MDGA2: variants seen among roughly 807,000 people sequenced by gnomAD.
MDGA2 encodes the protein MAM domain-containing glycosylphosphatidylinositol anchor protein 2.
In MDGA2, 40 loss-of-function variants were observed where a neutral mutation model predicts 117.8. That is an observed-to-expected ratio of 0.34 (90% confidence interval 0.26 to 0.44). MDGA2 has a LOEUF of 0.44. Among genes scored for constraint, MDGA2 ranks in the 20% least tolerant of loss-of-function variants. The probability of loss-of-function intolerance (pLI) is 1.00; values close to 1 mark genes in which losing one functional copy is unlikely to be tolerated. For missense variants in MDGA2, 1,123 were observed against 1,250.6 expected (o/e 0.90, Z 1.54); for synonymous variants, 452 against 439.0 (o/e 1.03, Z -0.37).
At chr14:47,467,127 T>G (rs1893620676) in intron 1 of MDGA2, among the ~76,000 whole-genome samples, 2 of 151,864 alleles carry the variant, frequency 1.3e-5, no homozygotes, top group Admixed American at 1.3e-4. Flanking sequence ...TCAACAAAAG[T>G]CACAAAGATT....
At chr14:47,199,594 T>G (rs893818959) in intron 3 of MDGA2, among the ~76,000 whole-genome samples, 2 of 152,066 alleles carry the variant, frequency 1.3e-5, no homozygotes, top group African/African-American at 4.8e-5. Flanking sequence ...ACAAATAACA[T>G]AACAGGATGA....
At chr14:46,918,950 G>A (rs774290825) in intron 10 of MDGA2, among the ~76,000 whole-genome samples, 5 of 151,888 alleles carry the variant, frequency 3.3e-5, no homozygotes, top group Non-Finnish European at 7.4e-5. Context: ...TTTTAGTAGA[G>A]ACGGGGTTTC....
At position 47,365,687 on chromosome 14, in the gene MDGA2, G is replaced by C. The variant is rs542001972; in HGVS notation, c.281-64137C>G. On this transcript the variant is annotated intron_variant, in intron 1 of 16. Coordinates refer to ENST00000399232, the MANE Select transcript of MDGA2 (RefSeq NM_001113498.3). ...GTAACTAATTCTGTTTCCAAGTAAA[G>C]GTGTGGCCAACATATTTAGAGAGGA... 5.3e-5 allele frequency among the ~76,000 whole-genome samples: 8 copies of C among 152,304 alleles called. No individual in the cohort carries two copies. In the East Asian group the frequency reaches 5.8e-4, roughly 11 times the overall value.
chr14:47,306,523 T>C (rs2139827231), intron 1 of MDGA2, among the ~76,000 whole-genome samples: 1 of 152,162 alleles, frequency 6.6e-6, no homozygotes, highest in South Asian at 2.1e-4. Context: ...TACAAGGAGC[T>C]TCCTCTCTGC....
intron 1 of MDGA2, among the ~76,000 whole-genome samples, chr14:47,490,085 G>A (rs1434832064): frequency 6.6e-6 from 1 of 152,070 alleles, no homozygotes; most frequent in African/African-American, 2.4e-5. Flanking sequence ...GATATAGTGT[G>A]TCAGCAGTAG....
At chr14:47,267,380 G>T (rs968914884) in intron 2 of MDGA2, among the ~76,000 whole-genome samples, 1 of 152,018 alleles carries the variant, frequency 6.6e-6, no homozygotes, top group African/African-American at 2.4e-5. Flanking sequence ...TTTATTGAAT[G>T]TTTTTATATG....
At chr14:47,390,414 C>G (rs1405590085) in intron 1 of MDGA2, among the ~76,000 whole-genome samples, 1 of 152,110 alleles carries the variant, frequency 6.6e-6, no homozygotes, top group African/African-American at 2.4e-5. Context: ...TGGCTGGTGC[C>G]TCTCGCCAAA....
chr14:47,426,760 G>T (rs1892700285), intron 1 of MDGA2, among the ~76,000 whole-genome samples: 1 of 146,892 alleles, frequency 6.8e-6, no homozygotes, highest in African/African-American at 2.5e-5. Flanking sequence ...CAACAATAGA[G>T]GATTCACTGA....
chr14:46,964,741 ATAAGT>A (rs961503936), intron 8 of MDGA2, among the ~76,000 whole-genome samples: 4 of 152,150 alleles, frequency 2.6e-5, no homozygotes, highest in African/African-American at 4.8e-5. Flanking sequence ...TCAAATACTA[ATAAGT>A]TAAGTGAATA....
chr14:46,904,170 C>T (rs10148199), intron 10 of MDGA2, among the ~76,000 whole-genome samples: 3,959 of 151,864 alleles, frequency 0.026, 175 homozygotes, highest in African/African-American at 0.09. Context: ...TCAAGACCAG[C>T]CTGGCCAACA....
intron 1 of MDGA2, among the ~76,000 whole-genome samples, chr14:47,636,784 CAAAAAAAA>C (rs56313968): frequency 4.3e-5 from 2 of 45,988 alleles, no homozygotes; most frequent in Admixed American, 4.0e-4. Context: ...GACTCCGTCT[CAAAAAAAA>C]AAAAAAAAAA....
At chr14:47,316,647 T>C (rs778169816) in intron 1 of MDGA2, among the ~76,000 whole-genome samples, 3 of 152,108 alleles carry the variant, frequency 2.0e-5, no homozygotes, top group Non-Finnish European at 2.9e-5. Flanking sequence ...TCTGGTAGGC[T>C]TCTGTCTAAT....
chr14:47,137,333 C>T (rs1374698834), intron 4 of MDGA2, among the ~76,000 whole-genome samples: 1 of 152,054 alleles, frequency 6.6e-6, no homozygotes, highest in Non-Finnish European at 1.5e-5. Flanking sequence ...ATGTTTGTCC[C>T]TAATCTTCAT....
At chr14:46,908,344 C>T (rs1021722191) in intron 10 of MDGA2, among the ~76,000 whole-genome samples, 8 of 152,178 alleles carry the variant, frequency 5.3e-5, no homozygotes, top group Non-Finnish European at 1.2e-4. Flanking sequence ...TTTTGTGGCA[C>T]TCTAACCCTG....
intron 1 of MDGA2, among the ~76,000 whole-genome samples, chr14:47,511,413 C>A (rs759936461): frequency 3.3e-5 from 5 of 152,010 alleles, no homozygotes; most frequent in Non-Finnish European, 7.4e-5. Flanking sequence ...ATAAGAGGTT[C>A]TTGTATTTAC....
At chr14:47,511,315 G>GA (rs1030599640) in intron 1 of MDGA2, among the ~76,000 whole-genome samples, 2 of 151,770 alleles carry the variant, frequency 1.3e-5, no homozygotes, top group Non-Finnish European at 2.9e-5. Context: ...TATGTTTATA[G>GA]AAAAAAACAT....
intron 1 of MDGA2, among the ~76,000 whole-genome samples, chr14:47,406,457 T>C (rs1481281586): frequency 6.8e-6 from 1 of 147,980 alleles, no homozygotes; most frequent in Non-Finnish European, 1.5e-5. Flanking sequence ...AAAATAGCAG[T>C]AGATTTGGAA....
chr14:47,671,183 C>CTAA (rs1324585091), intron 1 of MDGA2, among the ~76,000 whole-genome samples: 1 of 152,078 alleles, frequency 6.6e-6, no homozygotes, highest in Non-Finnish European at 1.5e-5. Flanking sequence ...ACTGTGACAC[C>CTAA]ATATATAAAT....
At chr14:46,920,270 T>C (rs1204631730) in intron 9 of MDGA2, 110 bp from the exon 10 acceptor site, 1 of 1,028,916 alleles carries the variant, frequency 9.7e-7, no homozygotes, top group South Asian at 1.8e-5. Flanking sequence ...TTAGTAATTA[T>C]AAAATCCAAT....
Sources: allele counts gnomAD v4.1 joint callset (sites outside exome capture counted in the v4.1 genomes callset), GRCh38; gene constraint gnomAD v4.1.1; transcripts MANE v1.5; gene names NCBI Gene and HGNC (gene_info 2026-07-23, HGNC 2026-07-21).